ZNF644: variants seen among roughly 807,000 people sequenced by gnomAD.
The protein encoded by ZNF644 is zinc finger motif enhancer binding protein 2.
A neutral mutation model predicts 108.0 loss-of-function variants in ZNF644; 20 were observed. The observed-to-expected ratio is 0.19, with a 90% CI of 0.13 to 0.27. The LOEUF (loss-of-function observed/expected upper bound fraction) is 0.27. Ranked by LOEUF, ZNF644 falls within the 10% of genes least tolerant of loss-of-function variation. The pLI is 1.00. For missense variants in ZNF644, 1,338 were observed against 1,548.9 expected (o/e 0.86, Z 2.29); for synonymous variants, 542 against 539.1 (o/e 1.01, Z -0.08).
Position 90,982,347 on chromosome 1 carries a change from A to G in ZNF644, c.7T>C (p.Ser3Pro). Residue 3 changes from serine (S) to proline (P), a missense_variant, in exon 2 of 6, where the codon TCG becomes CCG. Physicochemically the swap from Ser to Pro is moderately conservative, Grantham distance 74. Transcript: ENST00000337393. The stretch of plus-strand genomic sequence containing the variant: ...TTATTAACATCTTGCTGCAAGAACG[A>G]TCTCATCCAAAATTAAATCAAACCT... Reference protein sequence around the residue: MRSFLQQDVNKTK... With the variant: MRPFLQQDVNKTK... 1 of 1,610,870 alleles carries G rather than the reference A, an allele frequency of 6.2e-7. No homozygotes were observed. Among genetic ancestry groups the G allele is most frequent in the South Asian group, 1.1e-5 (1 of 91,036 alleles).
chr1:90,963,950 C>T (rs943042042), intron 2 of ZNF644, among the ~76,000 whole-genome samples: 1 of 152,008 alleles, frequency 6.6e-6, no homozygotes, highest in African/African-American at 2.4e-5. Flanking sequence ...ACACAGAGCA[C>T]CATCTTTTAT....
rs138994338 is a variant in ZNF644 at position 90,916,500 on chromosome 1, A to G, written c.*298T>C. On this transcript the variant is annotated 3_prime_UTR_variant, in exon 6 of 6. Transcript: ENST00000337393. ...ACATAATTGTCCAATAAGTCTGTCT[A>G]TAAGTATCCATGTGCAACAGTTTAT... 204 of 385,978 alleles carry G rather than the reference A, an allele frequency of 5.3e-4. No individual in the cohort carries two copies. The highest frequency in any genetic ancestry group is 6.8e-4 in the East Asian group (12 of 17,652). The allele number at this position is 385,978 out of a possible 1,614,324, so 23.9% of individuals were successfully genotyped here.
At chr1:90,934,055 G>A (rs2100898192) in intron 4 of ZNF644, among the ~76,000 whole-genome samples, 1 of 152,232 alleles carries the variant, frequency 6.6e-6, no homozygotes, top group Admixed American at 6.5e-5. Context: ...TTTCCTACTT[G>A]TATAGTCTCT....
intron 4 of ZNF644, among the ~76,000 whole-genome samples, chr1:90,936,480 G>T (rs922770132): frequency 1.4e-4 from 21 of 152,114 alleles, no homozygotes; most frequent in Middle Eastern, 6.8e-3. Context: ...ACAATACAAA[G>T]TTATCTTTCC....
chr1:90,978,048 A>T (rs983318828), intron 2 of ZNF644, among the ~76,000 whole-genome samples: 13 of 152,178 alleles, frequency 8.5e-5, no homozygotes, highest in Non-Finnish European at 1.8e-4. Flanking sequence ...TAAAAAATTT[A>T]TATTTTGAAA....
In ZNF644 at chr1:90,930,211, G is replaced by A. The variant is rs757935581; in HGVS notation, c.3688+7274C>T. Among the ~76,000 whole-genome samples, 33 of 152,252 alleles carry A rather than the reference G, an allele frequency of 2.2e-4. 1 individual carries two copies. Among genetic ancestry groups the A allele is most frequent in the Middle Eastern group, 6.8e-3 (2 of 294 alleles). On this transcript the variant is annotated intron_variant, in intron 4 of 5. Transcript: ENST00000337393. ...TGAGCCAGGAGAATCACTTGAACCT[G>A]GGAGGCAGAGGTTGCAGTGAGCCGA...
In ZNF644 at chr1:90,941,086, C is replaced by T. The variant is rs775479991; in HGVS notation, c.268G>A (p.Gly90Ser). The change falls in exon 3 of 6, where the codon GGC becomes AGC. Residue 90 changes from glycine to serine, a missense_variant. This residue lies in a region of ZNF644 where 464 missense variants were observed against 457.9 expected (regional missense o/e 1.01). Transcript: ENST00000337393. ...KDKSENALSG[G>S]QSSLFIHAGA... is the part of the protein sequence containing the mutation. ...GCATGTATAAATAGACTAGACTGGC[C>T]TCCACTTAAGGCGTTTTCAGATTTG... 1 of 1,614,092 alleles carries T rather than the reference C, an allele frequency of 6.2e-7. No individual in the cohort carries two copies. The highest frequency in any genetic ancestry group is 1.7e-5 in the Admixed American group (1 of 60,014).
chr1:90,942,822 C>A (rs1652126871), intron 2 of ZNF644, among the ~76,000 whole-genome samples: 1 of 152,106 alleles, frequency 6.6e-6, no homozygotes, highest in South Asian at 2.1e-4. Flanking sequence ...GCATCATAAG[C>A]TTCCATATTT....
At chr1:90,972,925 G>A (rs1655638291) in intron 2 of ZNF644, 1 of 152,084 alleles carries the variant, frequency 6.6e-6, no homozygotes, top group South Asian at 2.1e-4. Context: ...AGAGAAAAAT[G>A]GTGATTTCCA....
At position 90,991,245 on chromosome 1, in the gene ZNF644, A is replaced by G. The variant is rs182024544; in HGVS notation, c.-17-8875T>C. The stretch of plus-strand genomic sequence containing the variant: ...CACAAAGAGTTATCACTACACAGCT[A>G]TAAGAATGGCTAAATTAGTAAGACC... On this transcript the variant is annotated intron_variant, in intron 1 of 5. Coordinates refer to ENST00000337393, the MANE Select transcript of ZNF644 (RefSeq NM_201269.3). 2.5e-3 allele frequency among the ~76,000 whole-genome samples: 386 copies of G among 152,348 alleles called. 1 individual carries two copies. The highest frequency in any genetic ancestry group is 9.1e-3 in the African/African-American group (378 of 41,578).
At chr1:90,973,630 A>T (rs902291286) in intron 2 of ZNF644, among the ~76,000 whole-genome samples, 14 of 152,218 alleles carry the variant, frequency 9.2e-5, no homozygotes, top group Non-Finnish European at 1.8e-4. Context: ...GTGTAGAAAG[A>T]GTAAACATCA....
At chr1:90,966,222 T>C (rs926469323) in intron 2 of ZNF644, among the ~76,000 whole-genome samples, 1 of 152,206 alleles carries the variant, frequency 6.6e-6, no homozygotes, top group Admixed American at 6.5e-5. Context: ...CCATCCAAAA[T>C]AAAGTTACTA....
chr1:90,971,742 T>C (rs565126825), intron 2 of ZNF644, among the ~76,000 whole-genome samples: 5 of 152,112 alleles, frequency 3.3e-5, no homozygotes, highest in East Asian at 3.9e-4. Flanking sequence ...CTACGTAACA[T>C]TGTACTAGAA....
intron 2 of ZNF644, among the ~76,000 whole-genome samples, chr1:90,952,846 C>A (rs1289642039): frequency 6.6e-6 from 1 of 151,798 alleles, no homozygotes; most frequent in African/African-American, 2.4e-5. Context: ...CAAAACACAT[C>A]AAGCCAAAGC....
chr1:91,016,556 C>G (rs1660449693), intron 1 of ZNF644, among the ~76,000 whole-genome samples: 1 of 152,120 alleles, frequency 6.6e-6, no homozygotes, highest in African/African-American at 2.4e-5. Flanking sequence ...GTATTACAAT[C>G]TTATGGGACC....
At position 90,937,911 on chromosome 1, in the gene ZNF644, T is replaced by TTTC; in HGVS notation, c.3259_3261dup (p.Glu1087dup). On this transcript the variant is annotated inframe_insertion, in exon 4 of 6. Coordinates refer to ENST00000337393, the MANE Select transcript of ZNF644 (RefSeq NM_201269.3). ...AATGCCTTTAAGATTTTTTCATATT[T>TTTC]TTCTTCATTTTGCATCATCTCATTC... The TTTC allele has an allele frequency of 3.7e-6, 6 of 1,613,804 alleles. No homozygotes were observed. The highest frequency in any genetic ancestry group is 3.4e-6 in the Non-Finnish European group (4 of 1,179,888).
chr1:90,952,244 AC>A (rs1440150613), intron 2 of ZNF644, among the ~76,000 whole-genome samples: 1 of 152,252 alleles, frequency 6.6e-6, no homozygotes, highest in Non-Finnish European at 1.5e-5. Flanking sequence ...ATTTTCTGTA[AC>A]CTTAATGAAT....
At chr1:90,980,461 T>C (rs1380143751) in intron 2 of ZNF644, among the ~76,000 whole-genome samples, 2 of 152,160 alleles carry the variant, frequency 1.3e-5, no homozygotes, top group Non-Finnish European at 2.9e-5. Flanking sequence ...TTTACTACAT[T>C]TTATTCTGAA....
intron 2 of ZNF644, among the ~76,000 whole-genome samples, chr1:90,956,651 G>A (rs1385019495): frequency 2.0e-5 from 3 of 152,162 alleles, no homozygotes; most frequent in Non-Finnish European, 4.4e-5. Flanking sequence ...GGAAAAAGAA[G>A]AGCAAACTAA....
Sources: allele counts gnomAD v4.1 joint callset (sites outside exome capture counted in the v4.1 genomes callset), GRCh38; gene constraint gnomAD v4.1.1; regional missense constraint gnomAD v4.1.1; transcripts MANE v1.5; gene names NCBI Gene and HGNC (gene_info 2026-07-23, HGNC 2026-07-21).